The following ECHS1 variants were observed in gnomAD, a reference collection of about 807,000 sequenced individuals.
ECHS1 encodes the protein enoyl-CoA hydratase, mitochondrial.
In ECHS1, 19 loss-of-function variants were observed where a neutral mutation model predicts 33.5. That is an observed-to-expected ratio of 0.57 (90% CI 0.40 to 0.83). ECHS1 has a LOEUF of 0.83. Ranked by LOEUF, ECHS1 falls within the 40% of genes least tolerant of loss-of-function variation. The pLI, the probability that ECHS1 is intolerant of heterozygous loss-of-function variation, is 0.00. For synonymous variants in ECHS1, 158 were observed against 146.6 expected (o/e 1.08, Z -0.56); for missense variants, 365 against 381.3 (o/e 0.96, Z 0.36).
intron 1 of ECHS1, among the ~76,000 whole-genome samples, chr10:133,371,242 A>AC (rs1849105089): frequency 6.6e-6 from 1 of 151,914 alleles, no homozygotes; most frequent in Non-Finnish European, 1.5e-5. Flanking sequence ...ATGCCACTGC[A>AC]CTCCAGCCTG....
At chr10:133,364,308 C>T (rs4838679) in intron 7 of ECHS1, among the ~76,000 whole-genome samples, 89,594 of 151,796 alleles carry the variant, frequency 0.59, 27,115 homozygotes, top group Middle Eastern at 0.76. Flanking sequence ...TGGACTCGAA[C>T]GACCCGCCTC....
At chr10:133,366,596 G>T (rs1443534030) in intron 5 of ECHS1, among the ~76,000 whole-genome samples, 3 of 151,400 alleles carry the variant, frequency 2.0e-5, no homozygotes, top group Non-Finnish European at 2.9e-5. Flanking sequence ...TGCTGCCCGG[G>T]GTTTCTGTGG....
intron 6 of ECHS1, 44 bp downstream of exon 6, chr10:133,365,932 C>T: frequency 2.5e-6 from 4 of 1,608,156 alleles, no homozygotes; most frequent in Non-Finnish European, 3.4e-6. Context: ...ATGCTCCTGA[C>T]AGCCACGGAG....
chr10:133,365,002 T>C (rs1008439511), intron 6 of ECHS1, among the ~76,000 whole-genome samples: 14 of 152,150 alleles, frequency 9.2e-5, no homozygotes, highest in Admixed American at 5.9e-4. Context: ...GATGGCAAAC[T>C]GTGCCCTTGA....
At chr10:133,370,143 T>G in intron 2 of ECHS1, 112 bp from the exon 3 acceptor site, 1 of 1,466,376 alleles carries the variant, frequency 6.8e-7, no homozygotes, top group East Asian at 2.4e-5. Flanking sequence ...GGCAGTGGGG[T>G]TGCTGGGCAC....
Position 133,370,134 on chromosome 10 carries a change from G to A in ECHS1, c.287-103C>T, listed in dbSNP as rs1465620264. On this transcript the variant is annotated intron_variant, in intron 2 of 7. Coordinates refer to ENST00000368547, the MANE Select transcript of ECHS1 (RefSeq NM_004092.4). ...GAACTTCAGAGCACACCAGACACAG[G>A]CAGTGGGGTTGCTGGGCACGGCTGA... 6 of 1,499,546 alleles carry A rather than the reference G, an allele frequency of 4.0e-6. No homozygotes were observed. In the African/African-American group the frequency reaches 8.3e-5, roughly 21 times the overall value. The allele number at this position is 1,499,546 out of a possible 1,614,324, so 92.9% of individuals were successfully genotyped here.
At chr10:133,370,964 T>C (rs1424707973) in intron 1 of ECHS1, among the ~76,000 whole-genome samples, 3 of 152,130 alleles carry the variant, frequency 2.0e-5, no homozygotes, top group Admixed American at 6.5e-5. Flanking sequence ...TGCTTTCACA[T>C]GTGTTTGAAC....
rs1261009123 is a variant in ECHS1, at chr10:133,362,890, T to C, written c.851A>G (p.Lys284Arg). 4.3e-6 allele frequency: 7 copies of C among 1,614,072 alleles called. No individual in the cohort carries two copies. Among genetic ancestry groups the C allele is most frequent in the Non-Finnish European group, 5.9e-6 (7 of 1,180,046 alleles). The change falls in exon 8 of 8, where the codon AAG (lysine) becomes AGG (arginine). Residue 284 changes from lysine to arginine, a missense_variant. Transcript: ENST00000368547. ...TTCTCACTGGTCTTTGAAGTTGGCC[T>C]TTCTCTTTTCCACAAACGCGGTCAT... is the stretch of plus-strand genomic sequence containing the variant. ...EGMTAFVEKRKANFKDQ is the reference protein window; with the variant it reads ...EGMTAFVEKRRANFKDQ
At chr10:133,371,892 G>A (rs1589883810) in intron 1 of ECHS1, among the ~76,000 whole-genome samples, 1 of 152,156 alleles carries the variant, frequency 6.6e-6, no homozygotes, top group Admixed American at 6.5e-5. Flanking sequence ...TGCCTACAGG[G>A]TTCAGGTGAT....
chr10:133,362,674 A>C lies in ECHS1; in HGVS notation c.*194T>G. 3 of 633,430 alleles carry C rather than the reference A, an allele frequency of 4.7e-6. No individual in the cohort carries two copies. Among genetic ancestry groups the C allele is most frequent in the Non-Finnish European group, 8.5e-6 (3 of 353,510 alleles). 39.2% of individuals were successfully genotyped at this position (633,430 alleles called of 1,614,324 possible). A position where few individuals can be genotyped will look rare whatever the true frequency, so the allele number is the denominator to read the frequency against. On this transcript the variant is annotated 3_prime_UTR_variant, in exon 8 of 8. Coordinates refer to ENST00000368547, the MANE Select transcript of ECHS1 (RefSeq NM_004092.4). Reference sequence around the variant, plus strand: ...GAATCTTAGATTTAGAAGGTGCTCCAGTCAGGACCCTCACAGGCTGGGTGA... The same window carrying C: ...GAATCTTAGATTTAGAAGGTGCTCCCGTCAGGACCCTCACAGGCTGGGTGA...
At chr10:133,369,067 G>T in intron 3 of ECHS1, 45 bp from the exon 4 acceptor site, 1 of 1,571,348 alleles carries the variant, frequency 6.4e-7, no homozygotes. Flanking sequence ...GGGGAACCCA[G>T]TCAGAAATCA....
chr10:133,362,701 G>A lies in ECHS1; in HGVS notation c.*167C>T, dbSNP rs1047891670. 12 of 713,624 alleles carry A rather than the reference G, an allele frequency of 1.7e-5. No individual in the cohort carries two copies. The highest frequency in any genetic ancestry group is 5.3e-5 in the African/African-American group (3 of 57,102). 44.2% of individuals were successfully genotyped at this position (713,624 alleles called of 1,614,324 possible). ...TCAGGACCCTCACAGGCTGGGTGAC[G>A]AAGGCTGTCATGCCGTGAGAGGTCG... On this transcript the variant is annotated 3_prime_UTR_variant, in exon 8 of 8. Transcript: ENST00000368547.
chr10:133,365,204 G>A lies in ECHS1; in HGVS notation c.740-479C>T, dbSNP rs145290267. 1.8e-4 allele frequency among the ~76,000 whole-genome samples: 27 copies of A among 152,322 alleles called. No homozygotes were observed. The East Asian group carries it at 4.6e-3, about 26-fold the overall frequency. On this transcript the variant is annotated intron_variant, in intron 6 of 7. Transcript: ENST00000368547. ...TCCAGGTGCGCAGATGGAGGCAGGC[G>A]CTGTGGCTCCAGGGCTGGTGCCAGC...
chr10:133,365,346 G>A (rs1212339538), intron 6 of ECHS1, among the ~76,000 whole-genome samples: 1 of 152,212 alleles, frequency 6.6e-6, no homozygotes, highest in Non-Finnish European at 1.5e-5. Flanking sequence ...CCCGGGGGAC[G>A]GCCACACCCT....
At chr10:133,365,655 G>C (rs1293177729) in intron 6 of ECHS1, among the ~76,000 whole-genome samples, 1 of 152,216 alleles carries the variant, frequency 6.6e-6, no homozygotes, top group African/African-American at 2.4e-5. Context: ...GCCTCCCCAT[G>C]GCAGAGACCA....
intron 7 of ECHS1, among the ~76,000 whole-genome samples, chr10:133,363,353 G>A (rs1242515730): frequency 3.2e-4 from 42 of 130,414 alleles, no homozygotes; most frequent in South Asian, 8.9e-4. Flanking sequence ...GTGTGCGCGC[G>A]CGCACACACA....
chr10:133,362,670 C>G lies in ECHS1; in HGVS notation c.*198G>C, dbSNP rs1167973139. The G allele has an allele frequency of 3.2e-6, 2 of 617,510 alleles. No individual in the cohort carries two copies. The highest frequency in any genetic ancestry group is 1.8e-5 in the African/African-American group (1 of 54,402). 38.3% of individuals were successfully genotyped at this position (617,510 alleles called of 1,614,324 possible). A position where few individuals can be genotyped will look rare whatever the true frequency, so the allele number is the denominator to read the frequency against. On this transcript the variant is annotated 3_prime_UTR_variant, in exon 8 of 8. Coordinates refer to ENST00000368547, the MANE Select transcript of ECHS1 (RefSeq NM_004092.4). Reference sequence around the variant, plus strand: ...AGCAGAATCTTAGATTTAGAAGGTGCTCCAGTCAGGACCCTCACAGGCTGG... The same window carrying G: ...AGCAGAATCTTAGATTTAGAAGGTGGTCCAGTCAGGACCCTCACAGGCTGG...
intron 4 of ECHS1, among the ~76,000 whole-genome samples, chr10:133,368,396 T>C (rs1198306683): frequency 4.0e-5 from 1 of 25,110 alleles, no homozygotes; most frequent in Non-Finnish European, 1.7e-3. Context: ...GCTGCTCCCC[T>C]CAGGGTCTCA....
chr10:133,372,492 T>C (rs1849121898), intron 1 of ECHS1, among the ~76,000 whole-genome samples: 1 of 152,138 alleles, frequency 6.6e-6, no homozygotes, highest in Non-Finnish European at 1.5e-5. Flanking sequence ...CTGCATCTCC[T>C]GTTCTCGGGC....
Sources: gnomAD v4.1 joint callset for allele counts (sites outside exome capture counted in the v4.1 genomes callset) on GRCh38, gnomAD v4.1.1 for gene constraint, MANE v1.5 for transcripts, NCBI Gene and HGNC (gene_info 2026-07-23, HGNC 2026-07-21) for gene names.